The following SPEF2 variants were observed in gnomAD, a reference collection of about 807,000 sequenced individuals.
SPEF2 encodes the protein sperm flagella and cilia-associated protein 2.
A neutral mutation model predicts 224.6 loss-of-function variants in SPEF2; 187 were observed. The ratio of observed to expected loss-of-function variants is 0.83; its 90% CI spans 0.74 to 0.94. SPEF2 has a LOEUF of 0.94. Among genes scored for constraint, SPEF2 ranks in the 40% least tolerant of loss-of-function variants. The pLI is 0.00. For missense variants in SPEF2, 2,170 were observed against 2,135.6 expected (o/e 1.02, Z -0.32); for synonymous variants, 715 against 707.3 (o/e 1.01, Z -0.17).
chr5:35,623,191 G>C (rs926857716), intron 1 of SPEF2, among the ~76,000 whole-genome samples: 14 of 152,302 alleles, frequency 9.2e-5, no homozygotes, highest in South Asian at 6.2e-4. Flanking sequence ...CTGTGAAATT[G>C]GTTATGTTCA....
At chr5:35,793,759 C>CACACACACAT (rs1554059228) in intron 32 of SPEF2, among the ~76,000 whole-genome samples, 2,459 of 141,840 alleles carry the variant, frequency 0.017, 152 homozygotes, top group Middle Eastern at 0.039. Context: ...CACACACACA[C>CACACACACAT]ACACACACAG....
chr5:35,636,864 T>C (rs1745898531), intron 2 of SPEF2, among the ~76,000 whole-genome samples: 1 of 151,086 alleles, frequency 6.6e-6, no homozygotes, highest in South Asian at 2.1e-4. Context: ...TATTCCCAGC[T>C]ACTCAGGAGG....
At position 35,705,791 on chromosome 5, in the gene SPEF2, C is replaced by CA. The variant is rs750890082; in HGVS notation, c.2657dup (p.Asn887GlufsTer2). On this transcript the variant is annotated frameshift_variant, in exon 18 of 37. Transcript: ENST00000356031. LOFTEE classifies it high-confidence loss of function. ...AAAGAAATTCTTACGACTGAAATAG[C>CA]AAAAAAAAAGAATAAAGGTATTTAC... The CA allele has an allele frequency of 3.2e-4, 465 of 1,437,678 alleles. No homozygotes were observed. The highest frequency in any genetic ancestry group is 6.6e-4 in the South Asian group (49 of 74,656). The allele number at this position is 1,437,678 out of a possible 1,614,324, so 89.1% of individuals were successfully genotyped here. A position where few individuals can be genotyped will look rare whatever the true frequency, so the allele number is the denominator to read the frequency against.
chr5:35,805,721 G>A (rs1757970580), intron 34 of SPEF2, among the ~76,000 whole-genome samples: 1 of 152,126 alleles, frequency 6.6e-6, no homozygotes, highest in South Asian at 2.1e-4. Context: ...CTATCCAGAA[G>A]TCACCACTGT....
At chr5:35,677,208 T>C (rs1268381369) in intron 10 of SPEF2, among the ~76,000 whole-genome samples, 3 of 152,314 alleles carry the variant, frequency 2.0e-5, no homozygotes, top group South Asian at 2.1e-4. Flanking sequence ...TTACTATCCC[T>C]GGCTAGGTAA....
At chr5:35,799,870 C>T in intron 33 of SPEF2, 98 bp from the exon 34 acceptor site, 1 of 1,333,910 alleles carries the variant, frequency 7.5e-7, no homozygotes, top group Non-Finnish European at 1.0e-6. Context: ...CAGAAGGCAA[C>T]CTTATTCCAA....
chr5:35,781,981 A>G (rs2149805914), intron 30 of SPEF2, among the ~76,000 whole-genome samples: 1 of 152,228 alleles, frequency 6.6e-6, no homozygotes, highest in Admixed American at 6.5e-5. Context: ...AACATTGACA[A>G]TGGCCCTGCC....
At chr5:35,784,933 A>T (rs2149812970) in intron 30 of SPEF2, among the ~76,000 whole-genome samples, 1 of 152,316 alleles carries the variant, frequency 6.6e-6, no homozygotes, top group Non-Finnish European at 1.5e-5. Context: ...AGGGCACCTG[A>T]GTGGTTGGTT....
In SPEF2 at chr5:35,771,006, G is replaced by C. The variant is rs189521359; in HGVS notation, c.3802-603G>C. Among the ~76,000 whole-genome samples, 15 of 152,228 alleles carry C rather than the reference G, an allele frequency of 9.9e-5. No individual in the cohort carries two copies. The East Asian group carries it at 1.2e-3, about 12-fold the overall frequency. The stretch of plus-strand genomic sequence containing the variant: ...TAGAATAGGAGCCCAGGATTCAACT[G>C]TCCATGACCCAATTAACACAGGGCA... On this transcript the variant is annotated intron_variant, in intron 26 of 36. Transcript: ENST00000356031.
chr5:35,771,834 A>G (rs1752897583), intron 27 of SPEF2, 78 bp downstream of exon 27: 2 of 1,493,086 alleles, frequency 1.3e-6, no homozygotes, highest in East Asian at 4.6e-5. Flanking sequence ...AACTGGACAC[A>G]TTATTAGCCT....
chr5:35,655,859 G>A (rs1402332831), intron 7 of SPEF2, among the ~76,000 whole-genome samples: 1 of 152,206 alleles, frequency 6.6e-6, no homozygotes, highest in Non-Finnish European at 1.5e-5. Context: ...GAGTGACCAG[G>A]TCAGACTTGC....
intron 6 of SPEF2, among the ~76,000 whole-genome samples, chr5:35,651,086 C>T (rs910947842): frequency 7.9e-5 from 12 of 152,108 alleles, no homozygotes; most frequent in African/African-American, 2.4e-4. Context: ...GGAAGACAGA[C>T]AAAAAAGTAG....
At chr5:35,712,245 T>G (rs1018506718) in intron 19 of SPEF2, among the ~76,000 whole-genome samples, 5 of 149,498 alleles carry the variant, frequency 3.3e-5, no homozygotes, top group African/African-American at 1.2e-4. Context: ...TTATTTTATT[T>G]TATTATTTTA....
intron 18 of SPEF2, among the ~76,000 whole-genome samples, chr5:35,706,509 G>A (rs922970058): frequency 2.6e-5 from 4 of 151,906 alleles, no homozygotes; most frequent in Non-Finnish European, 2.9e-5. Context: ...ATTTTGCCTT[G>A]AGACAAGATT....
At chr5:35,708,695 C>G (rs113363488) in intron 18 of SPEF2, among the ~76,000 whole-genome samples, 2 of 958 alleles carry the variant, frequency 2.1e-3, no homozygotes, top group Admixed American at 0.012. Flanking sequence ...ACCTCCATCA[C>G]CATCACCACC....
At chr5:35,674,337 C>CTTTTTTTTTTTTT (rs35129181) in intron 10 of SPEF2, among the ~76,000 whole-genome samples, 14 of 94,436 alleles carry the variant, frequency 1.5e-4, no homozygotes, top group African/African-American at 2.1e-4. Context: ...TTTTCGTCTT[C>CTTTTTTTTTTTTT]TTTTTTTTTT....
intron 26 of SPEF2, among the ~76,000 whole-genome samples, chr5:35,768,325 G>A (rs1321702280): frequency 6.6e-6 from 1 of 151,980 alleles, no homozygotes; most frequent in Non-Finnish European, 1.5e-5. Context: ...AAAAAAATGA[G>A]TTATTCTTAT....
chr5:35,620,794 A>T (rs1046056639), intron 1 of SPEF2, among the ~76,000 whole-genome samples: 1 of 152,220 alleles, frequency 6.6e-6, no homozygotes, highest in Non-Finnish European at 1.5e-5. Context: ...TATTGTGACT[A>T]GTATAATTAT....
chr5:35,800,838 A>C (rs924159889), intron 34 of SPEF2, among the ~76,000 whole-genome samples: 2 of 152,138 alleles, frequency 1.3e-5, no homozygotes, highest in African/African-American at 4.8e-5. Context: ...CCTTTGTAGA[A>C]ACAGAGGGGA....
Sources: allele counts gnomAD v4.1 joint callset (sites outside exome capture counted in the v4.1 genomes callset), GRCh38; gene constraint gnomAD v4.1.1; transcripts MANE v1.5; gene names NCBI Gene and HGNC (gene_info 2026-07-23, HGNC 2026-07-21).